CSMD1: variants seen among roughly 807,000 people sequenced by gnomAD.
CSMD1 encodes CUB and Sushi multiple domains 1.
A neutral mutation model predicts 417.5 loss-of-function variants in CSMD1; 213 were observed. The observed-to-expected ratio is 0.51, with a 90% confidence interval of 0.46 to 0.57. The LOEUF (loss-of-function observed/expected upper bound fraction) is 0.57. CSMD1 is among the 20% of genes least tolerant of loss of function. The pLI, the probability that CSMD1 is intolerant of heterozygous loss-of-function variation, is 0.00. For missense variants in CSMD1, 6,923 were observed against 4,529.7 expected, an observed-to-expected ratio of 1.53 and a Z score of -15.17; for synonymous variants, 2,862 against 1,736.8, an observed-to-expected ratio of 1.65 and a Z score of -16.11.
chr8:4,031,621 C>T (rs139820675), intron 4 of CSMD1, among the ~76,000 whole-genome samples: 1,911 of 150,746 alleles, frequency 0.013, 23 homozygotes, highest in Non-Finnish European at 0.02. Context: ...TTTATGTGGT[C>T]CAAGCATGAC....
chr8:4,717,977 T>C (rs1259454889), intron 1 of CSMD1, among the ~76,000 whole-genome samples: 1 of 152,130 alleles, frequency 6.6e-6, no homozygotes, highest in African/African-American at 2.4e-5. Context: ...CAAACTTATT[T>C]TATTTTATTA....
At chr8:4,027,584 G>T (rs1460204080) in intron 4 of CSMD1, among the ~76,000 whole-genome samples, 1 of 152,012 alleles carries the variant, frequency 6.6e-6, no homozygotes, top group South Asian at 2.1e-4. Context: ...GGTTCCTGAG[G>T]CCTCCGCAGC....
intron 17 of CSMD1, among the ~76,000 whole-genome samples, chr8:3,390,901 G>C (rs1216016860): frequency 6.6e-6 from 1 of 152,030 alleles, no homozygotes; most frequent in Non-Finnish European, 1.5e-5. Context: ...CAGCCTCCGA[G>C]AGGTTTCAAA....
chr8:4,539,456 T>A (rs1444575294), intron 2 of CSMD1, among the ~76,000 whole-genome samples: 1 of 152,192 alleles, frequency 6.6e-6, no homozygotes, highest in Non-Finnish European at 1.5e-5. Flanking sequence ...AACTCATCTT[T>A]GAAATTGTGT....
intron 1 of CSMD1, among the ~76,000 whole-genome samples, chr8:4,727,977 G>C (rs5889058): frequency 1.5e-5 from 1 of 67,152 alleles, no homozygotes; most frequent in African/African-American, 6.7e-5. Context: ...AAATATATAT[G>C]TATATATATA....
chr8:3,316,625 C>T (rs2117450973), intron 23 of CSMD1, among the ~76,000 whole-genome samples: 1 of 152,186 alleles, frequency 6.6e-6, no homozygotes, highest in South Asian at 2.1e-4. Flanking sequence ...AATCGCATGG[C>T]AGTTGGGAAC....
intron 3 of CSMD1, among the ~76,000 whole-genome samples, chr8:4,309,263 T>A (rs1798427117): frequency 6.6e-6 from 1 of 152,102 alleles, no homozygotes; most frequent in South Asian, 2.1e-4. Flanking sequence ...TCACACCAAC[T>A]AATTATTCAG....
At chr8:4,726,936 T>C (rs293875) in intron 1 of CSMD1, among the ~76,000 whole-genome samples, 141,782 of 152,208 alleles carry the variant, frequency 0.93, 66,147 homozygotes, top group East Asian at 0.99. Flanking sequence ...CTTCTGGGGA[T>C]TGTACATATG....
intron 2 of CSMD1, among the ~76,000 whole-genome samples, chr8:4,594,193 A>AT (rs1213486937): frequency 2.3e-5 from 2 of 88,106 alleles, no homozygotes; most frequent in African/African-American, 4.0e-5. Context: ...TTCTAAAGTG[A>AT]TCTTTTTTTT....
chr8:3,321,788 A>C (rs1806170778), intron 23 of CSMD1, among the ~76,000 whole-genome samples: 1 of 152,218 alleles, frequency 6.6e-6, no homozygotes. Context: ...TCTAAATAAA[A>C]ATAAGTGAGC....
At chr8:2,989,075 C>A (rs1004840709) in intron 54 of CSMD1, among the ~76,000 whole-genome samples, 1 of 152,184 alleles carries the variant, frequency 6.6e-6, no homozygotes, top group Admixed American at 6.5e-5. Flanking sequence ...GACAACAGCA[C>A]ATTTATGTGA....
intron 7 of CSMD1, among the ~76,000 whole-genome samples, chr8:3,627,844 C>T (rs1796571432): frequency 6.6e-6 from 1 of 152,094 alleles, no homozygotes; most frequent in African/African-American, 2.4e-5. Flanking sequence ...ATTTCAAAGC[C>T]CACATTGTTC....
At chr8:4,622,254 C>A (rs1402619026) in intron 2 of CSMD1, among the ~76,000 whole-genome samples, 2 of 151,504 alleles carry the variant, frequency 1.3e-5, no homozygotes, top group Non-Finnish European at 2.9e-5. Context: ...AAGAAAAAGG[C>A]AAAAGAGGAT....
intron 26 of CSMD1, among the ~76,000 whole-genome samples, chr8:3,251,572 TTAAAG>T (rs1489246427): frequency 2.0e-5 from 3 of 152,172 alleles, no homozygotes; most frequent in African/African-American, 7.2e-5. Flanking sequence ...CATATGAACT[TTAAAG>T]TAGTTTTTTC....
intron 55 of CSMD1, among the ~76,000 whole-genome samples, chr8:2,976,220 G>C (rs1242727383): frequency 1.4e-5 from 2 of 146,770 alleles, no homozygotes; most frequent in Non-Finnish European, 3.0e-5. Context: ...AACTCACTTG[G>C]AGAAAAAAAA....
intron 1 of CSMD1, among the ~76,000 whole-genome samples, chr8:4,896,222 C>T (rs1350430034): frequency 6.6e-6 from 1 of 152,032 alleles, no homozygotes. Context: ...CAGTCTGGTT[C>T]TTTCAACTTT....
chr8:4,210,831 C>G (rs1369243390), intron 3 of CSMD1, among the ~76,000 whole-genome samples: 1 of 152,100 alleles, frequency 6.6e-6, no homozygotes, highest in Admixed American at 6.6e-5. Flanking sequence ...TGGAAAGAAT[C>G]ATGTATCTCG....
intron 3 of CSMD1, among the ~76,000 whole-genome samples, chr8:4,041,427 C>G (rs1273523005): frequency 2.0e-5 from 3 of 152,136 alleles, no homozygotes; most frequent in Non-Finnish European, 4.4e-5. Context: ...AAAAAAGCAA[C>G]TTCTTTCGTG....
intron 3 of CSMD1, among the ~76,000 whole-genome samples, chr8:4,244,222 G>A (rs1467498422): frequency 6.6e-6 from 1 of 152,166 alleles, no homozygotes; most frequent in Non-Finnish European, 1.5e-5. Context: ...AGCAGCAACA[G>A]TAACAGCTAG....
Sources: allele counts gnomAD v4.1 joint callset (sites outside exome capture counted in the v4.1 genomes callset), GRCh38; gene constraint gnomAD v4.1.1; transcripts MANE v1.5; gene names NCBI Gene and HGNC (gene_info 2026-07-23, HGNC 2026-07-21).